Variants in RNF14 observed in about 807,000 individuals in gnomAD.
RNF14 encodes ring finger protein 14.
Under a neutral mutation model 52.6 loss-of-function variants are expected in RNF14, and 26 were observed. The observed-to-expected ratio is 0.49, with a 90% CI of 0.36 to 0.69. The LOEUF (loss-of-function observed/expected upper bound fraction) is 0.69. Among genes scored for constraint, RNF14 ranks in the 30% least tolerant of loss-of-function variants. The probability of loss-of-function intolerance (pLI) is 0.00; values close to 1 mark genes in which losing one functional copy is unlikely to be tolerated. For synonymous variants in RNF14, 194 were observed against 202.0 expected (o/e 0.96, Z 0.34); for missense variants, 404 against 560.4 (o/e 0.72, Z 2.82).
chr5:141,957,946 GT>G, upstream of RNF14: 1 of 1,421,378 alleles, frequency 7.0e-7, no homozygotes, highest in Non-Finnish European at 9.5e-7. This position sits in a 1 kb window ranked among gnomAD's most constrained non-coding sequence, Gnocchi z 4.3. Context: ...GATCAGCCCC[GT>G]GCTCCTTCCC....
chr5:141,984,445 T>G (rs1029552682), intron 7 of RNF14, among the ~76,000 whole-genome samples: 3 of 152,184 alleles, frequency 2.0e-5, no homozygotes, highest in African/African-American at 4.8e-5. Context: ...AGTGGAGGAC[T>G]TGGTACCAAA....
At chr5:141,976,069 T>C (rs780053915) in intron 4 of RNF14, among the ~76,000 whole-genome samples, 8 of 152,216 alleles carry the variant, frequency 5.3e-5, no homozygotes, top group Non-Finnish European at 1.2e-4. Context: ...TTTCACAAAC[T>C]AGAGCTTATG....
chr5:141,974,313 G>A (rs554347978), intron 3 of RNF14, among the ~76,000 whole-genome samples: 1 of 152,222 alleles, frequency 6.6e-6, no homozygotes, highest in Non-Finnish European at 1.5e-5. Flanking sequence ...TGAGAGTGTT[G>A]TGTGCTATAT....
In RNF14 at chr5:141,970,729, A is replaced by G. The variant is rs906875870; in HGVS notation, c.-155A>G. The G allele has an allele frequency of 2.0e-5, 3 of 152,386 alleles. No homozygotes were observed. Among genetic ancestry groups the G allele is most frequent in the African/African-American group, 7.2e-5 (3 of 41,462 alleles). The allele number at this position is 152,386 out of a possible 1,614,324, so 9.4% of individuals were successfully genotyped here. ...ATGGCAGGATTTTCATAATATATGT[A>G]GTATGAGTTCCACATCTTGGCCTCT... On this transcript the variant is annotated 5_prime_UTR_variant, in exon 2 of 9. An upstream open reading frame in the 5' UTR loses its in-frame stop. Coordinates refer to ENST00000394520, the MANE Select transcript of RNF14 (RefSeq NM_004290.5).
At chr5:141,963,282 T>A (rs2126938592), upstream of RNF14, 1 of 152,276 alleles carries the variant, frequency 6.6e-6, no homozygotes, top group Middle Eastern at 3.4e-3. Flanking sequence ...AGTGCCCAGT[T>A]AAATTAGAAT....
At chr5:141,950,492 C>A in the RNF14 span, among the ~76,000 whole-genome samples, 1 of 152,166 alleles carries the variant, frequency 6.6e-6, no homozygotes, top group Non-Finnish European at 1.5e-5. Context: ...CTTATTCAAA[C>A]CTTCCACACC....
chr5:141,968,933 C>CT (rs1753464703), upstream of RNF14: 2 of 152,220 alleles, frequency 1.3e-5, no homozygotes, highest in African/African-American at 4.8e-5. Context: ...AAAGAGCCTC[C>CT]TGTGAGCACA....
intron 3 of RNF14, among the ~76,000 whole-genome samples, chr5:141,974,513 A>C (rs1754073284): frequency 6.6e-6 from 1 of 152,224 alleles, no homozygotes; most frequent in African/African-American, 2.4e-5. Flanking sequence ...CAAAACAAAC[A>C]TTGTGTGTTC....
chr5:141,967,077 A>G (rs1215531990), upstream of RNF14, among the ~76,000 whole-genome samples: 3 of 152,200 alleles, frequency 2.0e-5, no homozygotes, highest in African/African-American at 7.2e-5. Context: ...GTGACAATCA[A>G]GATTTATAGT....
upstream of RNF14, among the ~76,000 whole-genome samples, chr5:141,953,634 C>T (rs1753125820): frequency 6.6e-6 from 1 of 152,216 alleles, no homozygotes; most frequent in African/African-American, 2.4e-5. Flanking sequence ...ACCCACAGGG[C>T]CTATTCTCTG....
intron 8 of RNF14, among the ~76,000 whole-genome samples, chr5:141,986,967 C>T (rs1035114961): frequency 6.6e-6 from 1 of 152,162 alleles, no homozygotes; most frequent in East Asian, 1.9e-4. Context: ...GCAGAGAACA[C>T]GAAAACCTCA....
At chr5:141,967,454 CT>C (rs1753383333), upstream of RNF14, among the ~76,000 whole-genome samples, 1 of 152,144 alleles carries the variant, frequency 6.6e-6, no homozygotes, top group Non-Finnish European at 1.5e-5. Context: ...TATTTGTAGT[CT>C]TTTATCCTTC....
intron 2 of RNF14, among the ~76,000 whole-genome samples, chr5:141,972,113 C>T (rs1753833355): frequency 6.6e-6 from 1 of 152,100 alleles, no homozygotes; most frequent in African/African-American, 2.4e-5. Flanking sequence ...GCTGCTTGCT[C>T]AGTTATCTAA....
At position 141,978,660 on chromosome 5, in the gene RNF14, A is replaced by G. The variant is rs1273642317; in HGVS notation, c.664A>G (p.Ile222Val). 48 of 1,613,880 alleles carry G rather than the reference A, an allele frequency of 3.0e-5. No individual in the cohort carries two copies. The highest frequency in any genetic ancestry group is 3.8e-5 in the Non-Finnish European group (45 of 1,179,882). Residue 222 changes from isoleucine to valine, a missense_variant, in exon 5 of 9, where the codon ATC becomes GTC. Transcript: ENST00000394520. ...CFNSKLFLCS[I>V]CFCEKLGSEC... is the part of the protein sequence containing the mutation. ...TAATAGTAAATTGTTCCTGTGCAGT[A>G]TCTGTTTCTGTGAGAAGCTGGGTAG...
chr5:141,984,568 G>T (rs1045994224), intron 7 of RNF14, among the ~76,000 whole-genome samples: 1 of 152,164 alleles, frequency 6.6e-6, no homozygotes, highest in Middle Eastern at 3.2e-3. Flanking sequence ...TCTACTGCTT[G>T]TCAGAAGAGA....
At chr5:141,981,284 CT>C (rs2127031627) in intron 6 of RNF14, among the ~76,000 whole-genome samples, 1 of 152,262 alleles carries the variant, frequency 6.6e-6, no homozygotes, top group East Asian at 1.9e-4. Context: ...TATGTCAAAT[CT>C]AATAAAAATT....
upstream of RNF14, chr5:141,955,797 T>C (rs1220936161): frequency 6.2e-7 from 1 of 1,613,632 alleles, no homozygotes; most frequent in Non-Finnish European, 8.5e-7. This position sits in a 1 kb window ranked among gnomAD's most constrained non-coding sequence, Gnocchi z 5.5. Context: ...CTCGGGTCTG[T>C]AAGGGGGGGC....
At position 141,989,813 on chromosome 5, in the gene RNF14, A is replaced by T. The variant is rs1318920156; in HGVS notation, c.*2023A>T. 1 of 152,194 alleles carries T rather than the reference A, an allele frequency of 6.6e-6. No individual in the cohort carries two copies. Among genetic ancestry groups the T allele is most frequent in the South Asian group, 2.1e-4 (1 of 4,832 alleles). The allele number at this position is 152,194 out of a possible 1,614,324, so 9.4% of individuals were successfully genotyped here. On this transcript the variant is annotated 3_prime_UTR_variant, in exon 9 of 9. Transcript: ENST00000394520. Reference sequence around the variant, plus strand: ...GTGATTTCTGTGATCAAAGAGTTCAATTCAGATTTATTCAGAAAGAGCTAC... The same window carrying T: ...GTGATTTCTGTGATCAAAGAGTTCATTTCAGATTTATTCAGAAAGAGCTAC...
intron 6 of RNF14, among the ~76,000 whole-genome samples, chr5:141,980,930 A>G (rs1374144979): frequency 6.6e-6 from 1 of 152,232 alleles, no homozygotes; most frequent in Non-Finnish European, 1.5e-5. Flanking sequence ...GAGGCCTCAG[A>G]ATCTTCCTCA....
Sources: allele counts gnomAD v4.1 joint callset (sites outside exome capture counted in the v4.1 genomes callset), GRCh38; gene constraint gnomAD v4.1.1; non-coding constraint Gnocchi (gnomAD v3.1); transcripts MANE v1.5; gene names NCBI Gene and HGNC (gene_info 2026-07-23, HGNC 2026-07-21).